The following IFRD2 variants were observed in gnomAD, a reference collection of about 807,000 sequenced individuals.
The protein encoded by IFRD2 is interferon-related developmental regulator 2.
IFRD2 carries 35 observed loss-of-function variants against 49.2 expected under a neutral mutation model. That is an observed-to-expected ratio of 0.71 (90% CI 0.54 to 0.94). IFRD2 has a LOEUF of 0.94. Among genes scored for constraint, IFRD2 ranks in the 40% least tolerant of loss-of-function variants. The probability of loss-of-function intolerance (pLI) is 0.00; values close to 1 mark genes in which losing one functional copy is unlikely to be tolerated. For missense variants in IFRD2, 561 were observed against 591.6 expected, an observed-to-expected ratio of 0.95 and a Z score of 0.54; for synonymous variants, 275 against 239.7, an observed-to-expected ratio of 1.15 and a Z score of -1.36.
rs1701588754 is a variant in IFRD2, at chr3:50,287,959, T to C, written c.*232A>G. ...GCCCCACAGCCCTGAGGAAGGCACA[T>C]ATTTAGCCTGGCCTGAGACAGGACA... On this transcript the variant is annotated 3_prime_UTR_variant, in exon 12 of 12. Transcript: ENST00000417626. 10 of 531,432 alleles carry C rather than the reference T, an allele frequency of 1.9e-5. No individual in the cohort carries two copies. The highest frequency in any genetic ancestry group is 8.6e-5 in the South Asian group (4 of 46,744). The allele number at this position is 531,432 out of a possible 1,614,324, so 32.9% of individuals were successfully genotyped here.
At chr3:50,291,203 T>G (rs782786723) in intron 1 of IFRD2, among the ~76,000 whole-genome samples, 3 of 151,734 alleles carry the variant, frequency 2.0e-5, no homozygotes, top group Non-Finnish European at 4.4e-5. Context: ...GTAGATAGGG[T>G]TTCTCCATGT....
intron 1 of IFRD2, 124 bp from the exon 2 acceptor site, chr3:50,290,803 G>T: frequency 7.6e-7 from 1 of 1,307,714 alleles, no homozygotes; most frequent in Non-Finnish European, 1.1e-6. Flanking sequence ...AAAAACCAAA[G>T]CCAAGGGTCA....
At chr3:50,290,536 T>C in intron 2 of IFRD2, 24 bp downstream of exon 2, 1 of 1,611,968 alleles carries the variant, frequency 6.2e-7, no homozygotes, top group Admixed American at 1.7e-5. Context: ...ACCAAGCCCC[T>C]GTCAAACTTC....
Position 50,289,325 on chromosome 3 carries a change from T to C in IFRD2, c.815A>G (p.Glu272Gly). The change falls in exon 8 of 12, where the codon GAA becomes GGA. Residue 272 changes from glutamate (E) to glycine (G), a missense_variant. Glu to Gly is a moderately conservative substitution (Grantham distance 98, BLOSUM62 -2). Coordinates refer to ENST00000417626, the MANE Select transcript of IFRD2 (RefSeq NM_006764.5). Reference sequence around the variant, plus strand: ...GGCAGCGATCCGCAGGTTCACACTTTCACTGGACAAGAGCTGGGGCAGCCG... The same window carrying C: ...GGCAGCGATCCGCAGGTTCACACTTCCACTGGACAAGAGCTGGGGCAGCCG... ...LPRLPQLLSS[E>G]SVNLRIAAGE... 1.2e-6 allele frequency: 2 copies of C among 1,601,728 alleles called. No individual in the cohort carries two copies. The highest frequency in any genetic ancestry group is 1.7e-6 in the Non-Finnish European group (2 of 1,174,454).
chr3:50,289,947 G>A lies in IFRD2; in HGVS notation c.528C>T (p.Ser176=), dbSNP rs1553709493. The change falls in exon 5 of 12, where the codon AGC becomes AGT. Residue 176 remains serine, a synonymous_variant. Transcript: ENST00000417626. ...LVSVLSDSTA[S]PAARLHCASA... is the part of the protein sequence containing the mutation. ...CACTCACGTGGAGCCGGGCAGCAGG[G>A]CTAGCTGTGCTGTCACTGAGCACAG... 1.2e-6 allele frequency: 2 copies of A among 1,612,994 alleles called. No individual in the cohort carries two copies. Among genetic ancestry groups the A allele is most frequent in the South Asian group, 2.2e-5 (2 of 90,918 alleles).
At chr3:50,290,775 G>T in intron 1 of IFRD2, 96 bp from the exon 2 acceptor site, 2 of 1,490,548 alleles carry the variant, frequency 1.3e-6, no homozygotes, top group Non-Finnish European at 1.8e-6. Flanking sequence ...AGATAGAATG[G>T]TGTCCCTCTC....
At position 50,289,533 on chromosome 3, in the gene IFRD2, C is replaced by A; in HGVS notation, c.693G>T (p.Leu231=). 6.3e-7 allele frequency: 1 copy of A among 1,580,674 alleles called. No individual in the cohort carries two copies. The highest frequency in any genetic ancestry group is 1.2e-5 in the South Asian group (1 of 86,610). ...SSTSPVVPAS[L]HGLLSAALQA... ...GCAGGGCAGCAGAGAGCAGGCCGTG[C>A]AGGCTGGCAGGAACCACAGGACTTG... Residue 231 remains leucine (L), a synonymous_variant, in exon 7 of 12, where the codon CTG becomes CTT. Coordinates refer to ENST00000417626, the MANE Select transcript of IFRD2 (RefSeq NM_006764.5).
In IFRD2 at chr3:50,288,194, C is replaced by T. The variant is rs782002465; in HGVS notation, c.1326G>A (p.Leu442=). The part of the protein sequence containing the change: ...SRVRDKRADI[L] The stretch of plus-strand genomic sequence containing the variant: ...CTCCTCTTCAGCAGGTCCTGCTTCA[C>T]AGGATGTCTGCCCGCTTGTCCCGCA... Residue 442 remains leucine, a synonymous_variant, in exon 12 of 12, where the codon CTG becomes CTA. Coordinates refer to ENST00000417626, the MANE Select transcript of IFRD2 (RefSeq NM_006764.5). The T allele has an allele frequency of 1.2e-6, 2 of 1,613,356 alleles. No individual in the cohort carries two copies. Among genetic ancestry groups the T allele is most frequent in the South Asian group, 1.1e-5 (1 of 90,988 alleles).
intron 1 of IFRD2, among the ~76,000 whole-genome samples, chr3:50,291,010 T>TC (rs1559803180): frequency 2.1e-5 from 3 of 144,718 alleles, no homozygotes; most frequent in Non-Finnish European, 1.5e-5. Flanking sequence ...CCGCCACCTT[T>TC]TTTTTTTTTT....
chr3:50,288,772 G>C, intron 9 of IFRD2, 28 bp downstream of exon 9: 1 of 1,612,524 alleles, frequency 6.2e-7, no homozygotes, highest in Non-Finnish European at 8.5e-7. Flanking sequence ...GTGCACCCTT[G>C]CTAGGACACA....
intron 1 of IFRD2, chr3:50,291,984 G>A: frequency 1.9e-6 from 1 of 522,572 alleles, no homozygotes. Context: ...GGGCTGGCCG[G>A]GTCACCGCTG....
intron 5 of IFRD2, 72 bp downstream of exon 5, chr3:50,289,857 G>A (rs1440938481): frequency 3.1e-6 from 5 of 1,597,478 alleles, no homozygotes; most frequent in Admixed American, 1.8e-5. Flanking sequence ...GGAGGCTGAA[G>A]ATAGGGGGAA....
intron 1 of IFRD2, 96 bp from the exon 2 acceptor site, chr3:50,290,775 G>A: frequency 6.7e-7 from 1 of 1,490,550 alleles, no homozygotes; most frequent in Non-Finnish European, 9.1e-7. Context: ...AGATAGAATG[G>A]TGTCCCTCTC....
At chr3:50,289,123 G>A (rs1701618557) in intron 8 of IFRD2, 132 bp downstream of exon 8, 2 of 1,159,476 alleles carry the variant, frequency 1.7e-6, no homozygotes, top group Admixed American at 2.1e-5. Flanking sequence ...ACATCTAGGA[G>A]ATAAATCTGT....
At position 50,288,396 on chromosome 3, in the gene IFRD2, C is replaced by T. The variant is rs1553708949; in HGVS notation, c.1248+13G>A. ...GGAATAGGGGGAAGAGAAAGGTGCC[C>T]AAGGGTGCAAACCTTCTCAAAGCGT... On this transcript the variant is annotated intron_variant, in intron 11 of 11. Coordinates refer to ENST00000417626, the MANE Select transcript of IFRD2 (RefSeq NM_006764.5). The T allele has an allele frequency of 1.9e-6, 3 of 1,610,270 alleles. No individual in the cohort carries two copies. The highest frequency in any genetic ancestry group is 2.5e-6 in the Non-Finnish European group (3 of 1,178,166).
At chr3:50,291,342 G>A (rs782034974) in intron 1 of IFRD2, among the ~76,000 whole-genome samples, 1 of 151,994 alleles carries the variant, frequency 6.6e-6, no homozygotes, top group Non-Finnish European at 1.5e-5. Context: ...TCTACCTGCC[G>A]GAGCAGCCCA....
chr3:50,288,372 G>C, intron 11 of IFRD2, 37 bp downstream of exon 11: 1 of 1,606,024 alleles, frequency 6.2e-7, no homozygotes, highest in Non-Finnish European at 8.5e-7. Flanking sequence ...CAGGAAATGG[G>C]AATAGGGGGA....
In IFRD2 at chr3:50,289,882, G is replaced by A. The variant is rs1701638343; in HGVS notation, c.546+47C>T. Reference sequence around the variant, plus strand: ...GATAGGGGGAACCCACCACTCTGCTGAGGGATAAGGTGCAGGAAGGGTTTC... The same window carrying A: ...GATAGGGGGAACCCACCACTCTGCTAAGGGATAAGGTGCAGGAAGGGTTTC... On this transcript the variant is annotated intron_variant, in intron 5 of 11. Transcript: ENST00000417626. 1.2e-6 allele frequency: 2 copies of A among 1,609,174 alleles called. 1 individual carries two copies. Among genetic ancestry groups the A allele is most frequent in the African/African-American group, 2.7e-5 (2 of 74,998 alleles).
rs1701583886 is a variant in IFRD2, at chr3:50,287,771, G to GTAA, written c.*417_*419dup. On this transcript the variant is annotated 3_prime_UTR_variant, in exon 12 of 12. Transcript: ENST00000417626. ...GGCTGACCGTTCTGTTTAATTATCTGTAATAATCCTTAAAAATCAGCACAC... is the reference window on the plus strand; with the variant it reads ...GGCTGACCGTTCTGTTTAATTATCTGTAATAATAATCCTTAAAAATCAGCACAC... The GTAA allele has an allele frequency of 4.3e-6, 1 of 233,092 alleles. No homozygotes were observed. The highest frequency in any genetic ancestry group is 2.2e-5 in the African/African-American group (1 of 44,522). The allele number at this position is 233,092 out of a possible 1,614,324, so 14.4% of individuals were successfully genotyped here.
Sources: allele counts gnomAD v4.1 joint callset (sites outside exome capture counted in the v4.1 genomes callset), GRCh38; gene constraint gnomAD v4.1.1; transcripts MANE v1.5; gene names NCBI Gene and HGNC (gene_info 2026-07-23, HGNC 2026-07-21).